The following ZFP64 variants were observed in gnomAD, a reference collection of about 807,000 sequenced individuals.
ZFP64 encodes ZFP64 zinc finger protein.
A neutral mutation model predicts 51.6 loss-of-function variants in ZFP64; 14 were observed. The observed-to-expected ratio is 0.27, with a 90% confidence interval of 0.18 to 0.42. ZFP64 has a LOEUF of 0.42. Ranked by LOEUF, ZFP64 falls within the 10% of genes least tolerant of loss-of-function variation. The probability of loss-of-function intolerance (pLI) is 1.00; values close to 1 mark genes in which losing one functional copy is unlikely to be tolerated. For missense variants in ZFP64, 754 were observed against 906.8 expected, an observed-to-expected ratio of 0.83 and a Z score of 2.16; for synonymous variants, 375 against 361.4, an observed-to-expected ratio of 1.04 and a Z score of -0.43.
At chr20:52,149,413 A>C (rs1276311478), downstream of ZFP64, among the ~76,000 whole-genome samples, 1 of 152,222 alleles carries the variant, frequency 6.6e-6, no homozygotes, top group Non-Finnish European at 1.5e-5. Context: ...TTATTTAAAA[A>C]AACTAGGTCT....
chr20:52,087,873 A>C (rs1332881266), intron 8 of ZFP64, among the ~76,000 whole-genome samples: 1 of 152,196 alleles, frequency 6.6e-6, no homozygotes, highest in Non-Finnish European at 1.5e-5. Context: ...CTGTCTGCTC[A>C]CCATTTTCCA....
intron 5 of ZFP64, among the ~76,000 whole-genome samples, chr20:52,107,071 A>T (rs1023712884): frequency 7.9e-5 from 12 of 151,950 alleles, no homozygotes; most frequent in African/African-American, 2.7e-4. Flanking sequence ...TGGGCGACAG[A>T]GTGAGACTCC....
chr20:52,180,428 C>T (rs1006970467), intron 2 of ZFP64, among the ~76,000 whole-genome samples: 3 of 151,472 alleles, frequency 2.0e-5, no homozygotes, highest in African/African-American at 7.3e-5. Context: ...GTGATACATG[C>T]TAGCGGAGAA....
Position 52,085,372 on chromosome 20 carries a change from G to T in ZFP64, c.1229-106C>A. ...CCGCCATGAGATGGTTGGGTTTTGT[G>T]AACTCTAAACCCAACCTCCTAATGA... is the stretch of plus-strand genomic sequence containing the variant. On this transcript the variant is annotated intron_variant, in intron 8 of 8. Coordinates refer to the ZFP64 transcript ENST00000361387. This position sits in a 1 kb window ranked among gnomAD's most constrained non-coding sequence, Gnocchi z 4.3. 2 of 1,261,900 alleles carry T rather than the reference G, an allele frequency of 1.6e-6. No homozygotes were observed. The highest frequency in any genetic ancestry group is 1.5e-5 in the South Asian group (1 of 65,526). 78.2% of individuals were successfully genotyped at this position (1,261,900 alleles called of 1,614,324 possible). A position where few individuals can be genotyped will look rare whatever the true frequency, so the allele number is the denominator to read the frequency against.
At position 52,085,574 on chromosome 20, in the gene ZFP64, A is replaced by ACCC. The variant is rs1357069596; in HGVS notation, c.1229-311_1229-309dup. On this transcript the variant is annotated intron_variant, in intron 8 of 8. Coordinates refer to the ZFP64 transcript ENST00000361387. This position sits in a 1 kb window ranked among gnomAD's most constrained non-coding sequence, Gnocchi z 4.3. ...GGCACTCAAGTCCATACTCTTGATG[A>ACCC]CCCCTTCAGTTTCAAATCTAAACTC... Among the ~76,000 whole-genome samples, 1 of 152,076 alleles carries ACCC rather than the reference A, an allele frequency of 6.6e-6. No homozygotes were observed. Among genetic ancestry groups the ACCC allele is most frequent in the Non-Finnish European group, 1.5e-5 (1 of 68,026 alleles).
At chr20:52,185,910 T>A (rs1983931718) in intron 2 of ZFP64, among the ~76,000 whole-genome samples, 1 of 152,166 alleles carries the variant, frequency 6.6e-6, no homozygotes. Context: ...CTCCTTTTAC[T>A]GGTTTTAGCA....
intron 7 of ZFP64, among the ~76,000 whole-genome samples, chr20:52,094,742 T>C (rs1568942778): frequency 7.4e-6 from 1 of 135,434 alleles, no homozygotes; most frequent in Non-Finnish European, 1.5e-5. Context: ...TGTCTCAAAA[T>C]AAATAAATAA....
At chr20:52,142,377 G>GACACACACACACACACACAC (rs142317072) in intron 5 of ZFP64, among the ~76,000 whole-genome samples, 37 of 118,470 alleles carry the variant, frequency 3.1e-4, no homozygotes, top group African/African-American at 1.1e-3. Context: ...CACACACACA[G>GACACACACACACACACACAC]ACACACACAC....
intron 5 of ZFP64, among the ~76,000 whole-genome samples, chr20:52,143,653 A>G (rs6021738): frequency 0.44 from 61,758 of 139,556 alleles, 19,102 homozygotes; most frequent in Non-Finnish European, 0.52. Flanking sequence ...CTCTAATCTC[A>G]GCCTCTAGAG....
At chr20:52,132,604 C>G (rs1568669402) in intron 5 of ZFP64, among the ~76,000 whole-genome samples, 1 of 152,024 alleles carries the variant, frequency 6.6e-6, no homozygotes, top group Non-Finnish European at 1.5e-5. Context: ...ATTGGAAAAT[C>G]TAGATGAAAT....
intron 7 of ZFP64, among the ~76,000 whole-genome samples, chr20:52,090,681 C>T (rs906422697): frequency 6.6e-6 from 1 of 151,944 alleles, no homozygotes; most frequent in African/African-American, 2.4e-5. Flanking sequence ...CACCTGTAAT[C>T]CCAACTACTG....
chr20:52,165,554 G>A, intron 3 of ZFP64: 1 of 549,824 alleles, frequency 1.8e-6, no homozygotes, highest in African/African-American at 1.9e-5. Flanking sequence ...CCAAAGTAAG[G>A]AAAGAAAATT....
intron 5 of ZFP64, among the ~76,000 whole-genome samples, chr20:52,132,464 C>T (rs959809874): frequency 6.6e-6 from 1 of 151,218 alleles, no homozygotes; most frequent in Non-Finnish European, 1.5e-5. Context: ...CAAACCTTTA[C>T]CCAGACTAAG....
intron 7 of ZFP64, among the ~76,000 whole-genome samples, chr20:52,094,836 G>C (rs1241219910): frequency 2.6e-5 from 4 of 152,150 alleles, no homozygotes; most frequent in Non-Finnish European, 5.9e-5. Flanking sequence ...AGTATTCCTA[G>C]CTTTCTGAGC....
At position 52,152,902 on chromosome 20, in the gene ZFP64, G is replaced by C; in HGVS notation, c.1290C>G (p.Cys430Trp). The C allele has an allele frequency of 6.2e-7, 1 of 1,613,904 alleles. No homozygotes were observed. The highest frequency in any genetic ancestry group is 8.5e-7 in the Non-Finnish European group (1 of 1,180,026). The change falls in exon 6 of 6, where the codon TGC (cysteine) becomes TGG (tryptophan). Residue 430 changes from cysteine to tryptophan, a missense_variant. Cys to Trp is a radical substitution (Grantham distance 215, BLOSUM62 -2). Coordinates refer to ENST00000216923, the MANE Select transcript of ZFP64 (RefSeq NM_018197.3). ...AGTCCTCCCGCATGAAGGAGGCATC[G>C]CATATATCGCAGTGGAAACTCTTCT... is the stretch of plus-strand genomic sequence containing the variant. ...DAKKSFHCDI[C>W]DASFMREDSL...
chr20:52,185,337 T>C (rs1600821288), intron 2 of ZFP64, among the ~76,000 whole-genome samples: 1 of 152,210 alleles, frequency 6.6e-6, no homozygotes, highest in East Asian at 1.9e-4. Context: ...TCATGAAGTT[T>C]TATAGAATGA....
At chr20:52,176,505 C>CTCTTTTTTTTTTTTTTTTTTT (rs1555810297) in intron 2 of ZFP64, among the ~76,000 whole-genome samples, 2 of 136,724 alleles carry the variant, frequency 1.5e-5, no homozygotes, top group African/African-American at 5.5e-5. Context: ...TTCAATCTCT[C>CTCTTTTTTTTTTTTTTTTTTT]TTTTTTTTTT....
chr20:52,144,591 A>AAAAAAAAAAAAG (rs1568674893), intron 5 of ZFP64, among the ~76,000 whole-genome samples: 1 of 147,916 alleles, frequency 6.8e-6, no homozygotes, highest in African/African-American at 2.5e-5. Context: ...AAAAAAAAAA[A>AAAAAAAAAAAAG]AAAAAAAAAA....
chr20:52,147,266 A>G (rs926570796), downstream of ZFP64, among the ~76,000 whole-genome samples: 5 of 152,066 alleles, frequency 3.3e-5, no homozygotes, highest in African/African-American at 1.2e-4. Context: ...CAGTGGCGCA[A>G]TTTTGGCTCA....
Sources: gnomAD v4.1 joint callset for allele counts (sites outside exome capture counted in the v4.1 genomes callset) on GRCh38, gnomAD v4.1.1 for gene constraint, Gnocchi (gnomAD v3.1) non-coding constraint, MANE v1.5 for transcripts, NCBI Gene and HGNC (gene_info 2026-07-23, HGNC 2026-07-21) for gene names.